TOM1: variants seen among roughly 807,000 people sequenced by gnomAD.
TOM1 encodes target of Myb protein 1.
TOM1 carries 38 observed loss-of-function variants against 61.3 expected under a neutral mutation model. The observed-to-expected ratio is 0.62, with a 90% CI of 0.48 to 0.81. The LOEUF is 0.81. Ranked by LOEUF, TOM1 falls within the 40% of genes least tolerant of loss-of-function variation. The pLI is 0.00. For missense variants in TOM1, 591 were observed against 659.6 expected, an observed-to-expected ratio of 0.90 and a Z score of 1.14; for synonymous variants, 270 against 268.8, an observed-to-expected ratio of 1.00 and a Z score of -0.04.
intron 3 of TOM1, 130 bp from the exon 4 acceptor site, chr22:35,322,898 T>A (rs1419714878): frequency 9.2e-7 from 1 of 1,091,856 alleles, no homozygotes; most frequent in Non-Finnish European, 1.3e-6. Context: ...TTCAAGGGTC[T>A]CACTCCAGGA....
At chr22:35,341,138 T>G (rs1188266601) in intron 12 of TOM1, among the ~76,000 whole-genome samples, 1 of 152,210 alleles carries the variant, frequency 6.6e-6, no homozygotes, top group African/African-American at 2.4e-5. Flanking sequence ...CACTAAGCAC[T>G]TTGCATCCCC....
chr22:35,300,351 T>C (rs529750012), intron 1 of TOM1, among the ~76,000 whole-genome samples: 1 of 152,226 alleles, frequency 6.6e-6, no homozygotes, highest in Non-Finnish European at 1.5e-5. Context: ...CCGCCTGGGC[T>C]CTGGCCAGCT....
chr22:35,337,063 G>A (rs1929411034), intron 11 of TOM1, among the ~76,000 whole-genome samples: 1 of 151,780 alleles, frequency 6.6e-6, no homozygotes, highest in African/African-American at 2.4e-5. Context: ...AGCCTCCCGA[G>A]TAGCTGGGGA....
At chr22:35,317,823 A>T in intron 1 of TOM1, 54 bp from the exon 2 acceptor site, 2 of 1,388,128 alleles carry the variant, frequency 1.4e-6, no homozygotes, top group Non-Finnish European at 2.1e-6. Flanking sequence ...CCACGGTTTG[A>T]GTTTACCCAT....
chr22:35,311,972 C>T (rs942942864), intron 1 of TOM1, among the ~76,000 whole-genome samples: 23 of 151,998 alleles, frequency 1.5e-4, no homozygotes, highest in Admixed American at 1.4e-3. Flanking sequence ...GAGGGGAGTT[C>T]GGCTGGGCAC....
chr22:35,311,599 C>G (rs913974978), intron 1 of TOM1, among the ~76,000 whole-genome samples: 1 of 152,250 alleles, frequency 6.6e-6, no homozygotes, highest in Non-Finnish European at 1.5e-5. Flanking sequence ...GTAATGCCCC[C>G]CTCTGCTCTG....
At chr22:35,337,853 TCAGGGCGAGAATAA>T in intron 11 of TOM1, among the ~76,000 whole-genome samples, 1 of 152,222 alleles carries the variant, frequency 6.6e-6, no homozygotes, top group East Asian at 1.9e-4. Flanking sequence ...TGCCGGCAGT[TCAGGGCGAGAATAA>T]CAGGGCTCTT....
At chr22:35,337,970 C>A (rs963108990) in intron 11 of TOM1, among the ~76,000 whole-genome samples, 8 of 152,240 alleles carry the variant, frequency 5.3e-5, no homozygotes, top group African/African-American at 1.7e-4. Flanking sequence ...CCTCCTTAGC[C>A]AGCTTCTCCT....
chr22:35,330,561 T>A, intron 8 of TOM1, 81 bp downstream of exon 8: 1 of 1,395,894 alleles, frequency 7.2e-7, no homozygotes, highest in Non-Finnish European at 9.7e-7. Context: ...CCTGGTCTCA[T>A]GCCATCTGAG....
chr22:35,343,863 TACC>T (rs1402067415), intron 12 of TOM1, among the ~76,000 whole-genome samples: 1 of 115,174 alleles, frequency 8.7e-6, no homozygotes, highest in Non-Finnish European at 1.8e-5. Context: ...CCCCTGCATA[TACC>T]ACCCCTACAC....
Position 35,347,079 on chromosome 22 carries a change from G to A in TOM1, c.1349G>A (p.Arg450Gln), listed in dbSNP as rs749771091. Residue 450 changes from arginine to glutamine, a missense_variant, in exon 15 of 15, where the codon CGG becomes CAG. Arg to Gln is a conservative substitution (Grantham distance 43). Coordinates refer to ENST00000449058, the MANE Select transcript of TOM1 (RefSeq NM_005488.3). ...SEEFDKFLEE[R>Q]AKAADRLPNL... ...GAATTTGACAAATTCCTGGAAGAAC[G>A]GGCCAAAGCCGCGGACCGATTGCCC... The A allele has an allele frequency of 1.9e-5, 31 of 1,609,492 alleles. No individual in the cohort carries two copies. The highest frequency in any genetic ancestry group is 9.0e-5 in the East Asian group (4 of 44,620).
chr22:35,305,874 G>A (rs1318467011), intron 1 of TOM1, among the ~76,000 whole-genome samples: 3 of 150,394 alleles, frequency 2.0e-5, no homozygotes, highest in Non-Finnish European at 3.0e-5. Flanking sequence ...TGGGGAGGGC[G>A]ACTATAAAGA....
chr22:35,346,166 G>C (rs1269258755), intron 13 of TOM1, among the ~76,000 whole-genome samples: 1 of 152,268 alleles, frequency 6.6e-6, no homozygotes, highest in African/African-American at 2.4e-5. Flanking sequence ...CCTGTTTACA[G>C]ATCAGAAGAC....
chr22:35,331,983 G>A (rs13055137), intron 8 of TOM1, among the ~76,000 whole-genome samples: 2,398 of 152,270 alleles, frequency 0.016, 39 homozygotes, highest in Middle Eastern at 0.048. Flanking sequence ...GAGGCTTGTG[G>A]CATAAGTGAG....
chr22:35,334,906 A>G (rs1437635484), intron 11 of TOM1, among the ~76,000 whole-genome samples: 2 of 144,898 alleles, frequency 1.4e-5, no homozygotes, highest in African/African-American at 2.6e-5. Flanking sequence ...ATAAATCCTC[A>G]GGGACTTTCA....
At chr22:35,308,230 G>A (rs751001604) in intron 1 of TOM1, among the ~76,000 whole-genome samples, 7 of 149,760 alleles carry the variant, frequency 4.7e-5, no homozygotes, top group Non-Finnish European at 1.0e-4. Flanking sequence ...GTGTGTGTGT[G>A]TCTGTCTCTC....
At chr22:35,331,552 G>C in intron 8 of TOM1, 1 of 321,528 alleles carries the variant, frequency 3.1e-6, no homozygotes, top group Non-Finnish European at 6.2e-6. Flanking sequence ...AATGGGGGAG[G>C]AGCAGTTCCT....
At position 35,338,728 on chromosome 22, in the gene TOM1, C is replaced by A. The variant is rs745946515; in HGVS notation, c.1164C>A (p.Ala388=). 3.1e-6 allele frequency: 5 copies of A among 1,594,148 alleles called. No individual in the cohort carries two copies. Among genetic ancestry groups the A allele is most frequent in the Admixed American group, 1.8e-5 (1 of 56,852 alleles). The part of the protein sequence containing the change: ...ADQRKEVKYE[A]PQATDGLAGA... ...TCTCTTTCAGGGTAAAATACGAAGC[C>A]CCCCAAGCAACAGACGGCCTGGCTG... Residue 388 remains alanine, a synonymous_variant, in exon 12 of 15, where the codon GCC becomes GCA. Transcript: ENST00000449058.
intron 1 of TOM1, among the ~76,000 whole-genome samples, chr22:35,304,634 A>G (rs2145604970): frequency 1.3e-5 from 2 of 152,028 alleles, no homozygotes; most frequent in South Asian, 2.1e-4. Context: ...ACCCGCCACC[A>G]CACCTGGCTA....
Sources: allele counts gnomAD v4.1 joint callset (sites outside exome capture counted in the v4.1 genomes callset), GRCh38; gene constraint gnomAD v4.1.1; transcripts MANE v1.5; gene names NCBI Gene and HGNC (gene_info 2026-07-23, HGNC 2026-07-21).